The following SCAF8 variants were observed in gnomAD, a reference collection of about 807,000 sequenced individuals.
The protein encoded by SCAF8 is SR-related and CTD-associated factor 8.
A neutral mutation model predicts 140.5 loss-of-function variants in SCAF8; 23 were observed. That is an observed-to-expected ratio of 0.16 (90% confidence interval 0.12 to 0.23). The LOEUF (loss-of-function observed/expected upper bound fraction) is 0.23. SCAF8 is among the 10% of genes least tolerant of loss of function. The pLI is 1.00. For missense variants in SCAF8, 1,397 were observed against 1,555.7 expected (o/e 0.90, Z 1.72); for synonymous variants, 575 against 528.9 (o/e 1.09, Z -1.20).
chr6:154,795,488 A>G (rs887558694), intron 6 of SCAF8, among the ~76,000 whole-genome samples: 3 of 152,222 alleles, frequency 2.0e-5, no homozygotes, highest in Non-Finnish European at 2.9e-5. Flanking sequence ...TAGTATGACA[A>G]AATTATCGTA....
chr6:154,743,990 CATTT>C (rs1287103291), intron 1 of SCAF8, among the ~76,000 whole-genome samples: 2 of 151,492 alleles, frequency 1.3e-5, no homozygotes, highest in African/African-American at 4.9e-5. Flanking sequence ...ATTTACCAAA[CATTT>C]ATTAGAAATT....
At chr6:154,764,848 A>C (rs1193984144) in intron 1 of SCAF8, among the ~76,000 whole-genome samples, 1 of 152,174 alleles carries the variant, frequency 6.6e-6, no homozygotes, top group Admixed American at 6.5e-5. Context: ...CCTGGATCAG[A>C]TTTTGAGAAT....
At chr6:154,807,163 A>G (rs1426219087) in intron 9 of SCAF8, among the ~76,000 whole-genome samples, 1 of 152,188 alleles carries the variant, frequency 6.6e-6, no homozygotes, top group African/African-American at 2.4e-5. Context: ...ACAAGCTTGT[A>G]ATTAGCACCA....
At position 154,735,517 on chromosome 6, in the gene SCAF8, TTC is replaced by T. The variant is rs1294719599; in HGVS notation, c.30+1589_30+1590del. On this transcript the variant is annotated intron_variant, in intron 1 of 19. Transcript: ENST00000367178. ...AATTAGAGCAATAGACTTGGGAATC[TTC>T]TTTTTTTTTTTTTTTTGAGACAGAG... Among the ~76,000 whole-genome samples the T allele has an allele frequency of 1.7e-4, 18 of 103,952 alleles. 1 individual carries two copies. The highest frequency in any genetic ancestry group is 5.8e-4 in the East Asian group (1 of 1,716). The allele number at this position is 103,952 out of a possible 152,430, so 68.2% of individuals were successfully genotyped here.
chr6:154,734,271 C>T (rs1778348522), intron 1 of SCAF8, among the ~76,000 whole-genome samples: 1 of 152,212 alleles, frequency 6.6e-6, no homozygotes, highest in African/African-American at 2.4e-5. Flanking sequence ...CCTGGCCCGC[C>T]CACCTCCTTC....
At chr6:154,775,786 TTTA>T (rs897086216) in intron 2 of SCAF8, among the ~76,000 whole-genome samples, 1 of 151,760 alleles carries the variant, frequency 6.6e-6, no homozygotes, top group African/African-American at 2.4e-5. Context: ...AAAGAGAATC[TTTA>T]TTATTATTAT....
rs1174499622 is a variant in SCAF8, at chr6:154,810,186, A to G, written c.1398A>G (p.Pro466=). ...EKERQKKGLP[P]IRSKTLSVCS... is the part of the protein sequence containing the mutation. ...AACGACAGAAAAAGGGATTACCTCC[A>G]ATTAGATCTAAAACACTAAGTGGTA... Residue 466 remains proline, a synonymous_variant, in exon 12 of 20, where the codon CCA becomes CCG. Transcript: ENST00000367178. 2.5e-6 allele frequency: 4 copies of G among 1,609,866 alleles called. No individual in the cohort carries two copies. The highest frequency in any genetic ancestry group is 3.4e-6 in the Non-Finnish European group (4 of 1,178,414).
intron 1 of SCAF8, among the ~76,000 whole-genome samples, chr6:154,761,645 G>GT (rs1449756033): frequency 6.6e-6 from 1 of 152,118 alleles, no homozygotes; most frequent in Non-Finnish European, 1.5e-5. Flanking sequence ...GGCCTGTGCT[G>GT]TTTATCTTTA....
In SCAF8 at chr6:154,832,890, A is replaced by T; in HGVS notation, c.3311A>T (p.His1104Leu). ...GHRGDFDERE[H>L]RVLPVYGGPK... ...AGAGGAGATTTTGATGAGAGAGAGCATCGGGTTCTACCGGTCTATGGTGGT... is the reference window on the plus strand; with the variant it reads ...AGAGGAGATTTTGATGAGAGAGAGCTTCGGGTTCTACCGGTCTATGGTGGT... The change falls in exon 20 of 20, where the codon CAT (histidine) becomes CTT (leucine). Residue 1104 changes from histidine (H) to leucine (L), a missense_variant. Physicochemically the swap from His to Leu is moderately conservative, Grantham distance 99 (BLOSUM62 -3). Coordinates refer to ENST00000367178, the MANE Select transcript of SCAF8 (RefSeq NM_014892.5). The T allele has an allele frequency of 6.2e-7, 1 of 1,614,098 alleles. No individual in the cohort carries two copies.
intron 11 of SCAF8, among the ~76,000 whole-genome samples, chr6:154,809,364 C>G (rs1338465986): frequency 1.3e-5 from 2 of 152,058 alleles, no homozygotes; most frequent in Non-Finnish European, 2.9e-5. Context: ...GTTTTTCAGT[C>G]ATTTCTTTTT....
intron 15 of SCAF8, among the ~76,000 whole-genome samples, chr6:154,820,828 C>G (rs72993477): frequency 7.2e-5 from 11 of 151,776 alleles, no homozygotes; most frequent in Admixed American, 1.3e-4. Context: ...TTTTAATCCC[C>G]AAAATTATCT....
At chr6:154,767,415 C>T (rs1776608939) in intron 1 of SCAF8, among the ~76,000 whole-genome samples, 1 of 151,062 alleles carries the variant, frequency 6.6e-6, no homozygotes, top group Non-Finnish European at 1.5e-5. Flanking sequence ...CTTTCATCTG[C>T]AAAAACCTGT....
intron 12 of SCAF8, among the ~76,000 whole-genome samples, chr6:154,814,642 G>A (rs187730902): frequency 2.5e-4 from 38 of 152,288 alleles, no homozygotes; most frequent in African/African-American, 6.0e-4. Context: ...TAGATCAAAG[G>A]TAGCCAGAAA....
intron 1 of SCAF8, among the ~76,000 whole-genome samples, chr6:154,772,531 C>T (rs1394477707): frequency 6.6e-6 from 1 of 152,060 alleles, no homozygotes; most frequent in Non-Finnish European, 1.5e-5. Flanking sequence ...CTCTACAAAA[C>T]ATATAAAAAT....
chr6:154,814,188 G>T (rs944601054), intron 12 of SCAF8, among the ~76,000 whole-genome samples: 5 of 152,198 alleles, frequency 3.3e-5, no homozygotes, highest in African/African-American at 1.2e-4. Flanking sequence ...AGCTGAGCAT[G>T]ATGACGCACA....
chr6:154,765,774 A>G (rs1309412839), intron 1 of SCAF8, among the ~76,000 whole-genome samples: 1 of 152,178 alleles, frequency 6.6e-6, no homozygotes, highest in Non-Finnish European at 1.5e-5. Context: ...TTGAGAACTT[A>G]ATAGTAAAGG....
rs891723946 is a variant in SCAF8 at position 154,745,378 on chromosome 6, A to T, written c.30+11448A>T. On this transcript the variant is annotated intron_variant, in intron 1 of 19. Transcript: ENST00000367178. ...TAGGGATGTAGAGCTTTTGTTTATT[A>T]TTTTTTTTTAAATAGACAGGGATCT... Among the ~76,000 whole-genome samples, 5 of 151,484 alleles carry T rather than the reference A, an allele frequency of 3.3e-5. No homozygotes were observed. In the South Asian group the frequency reaches 8.3e-4, roughly 25 times the overall value.
intron 1 of SCAF8, among the ~76,000 whole-genome samples, chr6:154,758,226 T>C (rs1470383614): frequency 2.0e-5 from 3 of 152,178 alleles, no homozygotes; most frequent in African/African-American, 7.2e-5. Flanking sequence ...TTCACTTATA[T>C]GCTGGCGACA....
At chr6:154,776,830 G>A (rs1776930515) in intron 2 of SCAF8, among the ~76,000 whole-genome samples, 1 of 152,154 alleles carries the variant, frequency 6.6e-6, no homozygotes, top group Non-Finnish European at 1.5e-5. Context: ...TTAGTTGAAT[G>A]TTCCTATTTC....
Sources: allele counts gnomAD v4.1 joint callset (sites outside exome capture counted in the v4.1 genomes callset), GRCh38; gene constraint gnomAD v4.1.1; transcripts MANE v1.5; gene names NCBI Gene and HGNC (gene_info 2026-07-23, HGNC 2026-07-21).